Variants in ABCA10 observed in about 807,000 individuals in gnomAD.
The protein encoded by ABCA10 is ATP-binding cassette sub-family A member 10.
In ABCA10, 169 loss-of-function variants were observed where a neutral mutation model predicts 187.5. That is an observed-to-expected ratio of 0.90 (90% CI 0.80 to 1.02). The LOEUF (loss-of-function observed/expected upper bound fraction) is 1.02, where lower values mean the gene tolerates loss of function less well. Among genes scored for constraint, ABCA10 ranks in the 50% least tolerant of loss-of-function variants. ABCA10 has a pLI of 0.00. For missense variants in ABCA10, 1,727 were observed against 1,812.4 expected (o/e 0.95, Z 0.86); for synonymous variants, 574 against 601.8 (o/e 0.95, Z 0.68).
Position 69,152,043 on chromosome 17 carries a change from C to G in ABCA10, c.4397G>C (p.Arg1466Thr). ...KLFPQAAWQERYSSLMAYKLP... is the reference protein window; with the variant it reads ...KLFPQAAWQETYSSLMAYKLP... ...CACTCAAACCGAAAACATCCTTTAC[C>G]TTTCCTGCCAAGCAGCCTGTGGGAA... Residue 1466 changes from arginine to threonine, a missense_variant and splice_region_variant, in exon 36 of 39, where the codon AGA (arginine) becomes ACA (threonine). Coordinates refer to ENST00000690296, the MANE Select transcript of ABCA10 (RefSeq NM_001377321.1). 6.2e-7 allele frequency: 1 copy of G among 1,607,254 alleles called. No individual in the cohort carries two copies. Among genetic ancestry groups the G allele is most frequent in the Non-Finnish European group, 8.5e-7 (1 of 1,178,406 alleles).
intron 5 of ABCA10, among the ~76,000 whole-genome samples, chr17:69,219,981 A>G (rs1211124415): frequency 6.6e-6 from 1 of 152,354 alleles, no homozygotes. Flanking sequence ...TCTGTCATGC[A>G]TAATATACTG....
At chr17:69,205,409 C>T (rs1240599219) in intron 9 of ABCA10, among the ~76,000 whole-genome samples, 1 of 152,220 alleles carries the variant, frequency 6.6e-6, no homozygotes, top group Non-Finnish European at 1.5e-5. Context: ...TATTGAGCAT[C>T]TACTAGGTGC....
At chr17:69,210,464 C>T (rs2074634001) in intron 9 of ABCA10, among the ~76,000 whole-genome samples, 1 of 151,888 alleles carries the variant, frequency 6.6e-6, no homozygotes, top group Non-Finnish European at 1.5e-5. Flanking sequence ...GCTGGGATTA[C>T]AGGCGTGAGC....
intron 26 of ABCA10, 93 bp from the exon 27 acceptor site, chr17:69,164,247 T>G: frequency 9.9e-7 from 1 of 1,006,412 alleles, no homozygotes; most frequent in South Asian, 1.9e-5. Context: ...TGATGTTCTA[T>G]GGGACAACAG....
chr17:69,243,765 G>C (rs1461821090), intron 1 of ABCA10, among the ~76,000 whole-genome samples: 1 of 152,142 alleles, frequency 6.6e-6, no homozygotes, highest in South Asian at 2.1e-4. Context: ...GAGTGCAGTG[G>C]TGCATGCCTG....
chr17:69,194,274 A>G, intron 12 of ABCA10, 111 bp downstream of exon 12: 1 of 912,302 alleles, frequency 1.1e-6, no homozygotes, highest in Non-Finnish European at 1.7e-6. Flanking sequence ...TTCCTGCTCT[A>G]AATTATTCAA....
chr17:69,182,638 A>C (rs2074388991), intron 21 of ABCA10, 37 bp downstream of exon 21: 1 of 1,534,646 alleles, frequency 6.5e-7, no homozygotes, highest in African/African-American at 1.4e-5. Flanking sequence ...AAAACAAAAA[A>C]AAACCAAAAA....
intron 10 of ABCA10, among the ~76,000 whole-genome samples, chr17:69,199,876 A>C (rs1266765355): frequency 6.6e-6 from 1 of 152,252 alleles, no homozygotes; most frequent in African/African-American, 2.4e-5. Context: ...TTTCTATAAG[A>C]ATTAATACCA....
rs375141032 is a variant in ABCA10, at chr17:69,162,838, C to CATATACATATACATATACATATAT, written c.3363+1235_3363+1236insATATATGTATATGTATATGTATAT. Among the ~76,000 whole-genome samples the CATATACATATACATATACATATAT allele has an allele frequency of 6.9e-3, 835 of 120,768 alleles. 8 individuals are homozygous for CATATACATATACATATACATATAT. Among genetic ancestry groups the CATATACATATACATATACATATAT allele is most frequent in the East Asian group, 0.055 (219 of 4,008 alleles). The allele number at this position is 120,768 out of a possible 152,430, so 79.2% of individuals were successfully genotyped here. A position where few individuals can be genotyped will look rare whatever the true frequency, so the allele number is the denominator to read the frequency against. ...ACATATACATATACATATACATATA[C>CATATACATATACATATACATATAT]ATATATATATATATATATGAGACGG... On this transcript the variant is annotated intron_variant, in intron 27 of 38. Coordinates refer to ENST00000690296, the MANE Select transcript of ABCA10 (RefSeq NM_001377321.1).
upstream of ABCA10, among the ~76,000 whole-genome samples, chr17:69,231,458 T>C (rs2074831527): frequency 1.3e-5 from 2 of 152,204 alleles, no homozygotes; most frequent in African/African-American, 4.8e-5. Flanking sequence ...GGTTCTAGTA[T>C]ATCATGTTCC....
At chr17:69,152,333 G>A in intron 35 of ABCA10, 29 bp downstream of exon 35, 1 of 1,604,972 alleles carries the variant, frequency 6.2e-7, no homozygotes, top group Non-Finnish European at 8.5e-7. Flanking sequence ...GAACATGCTA[G>A]TCCCATGCTG....
At chr17:69,216,567 T>A (rs1425779429) in intron 6 of ABCA10, among the ~76,000 whole-genome samples, 1 of 152,234 alleles carries the variant, frequency 6.6e-6, no homozygotes, top group African/African-American at 2.4e-5. Flanking sequence ...GCTATTCATA[T>A]GGTTGTTCTG....
At chr17:69,217,678 T>G (rs2074716430) in intron 6 of ABCA10, among the ~76,000 whole-genome samples, 1 of 152,216 alleles carries the variant, frequency 6.6e-6, no homozygotes, top group African/African-American at 2.4e-5. Context: ...AATTTGTGCC[T>G]GATCAGATAG....
At chr17:69,173,726 T>C (rs769392166) in intron 25 of ABCA10, among the ~76,000 whole-genome samples, 17 of 152,166 alleles carry the variant, frequency 1.1e-4, no homozygotes, top group South Asian at 6.2e-4. Flanking sequence ...CAGAAAGCTA[T>C]AGTAACTGCT....
rs922375139 is a variant in ABCA10 at position 69,207,905 on chromosome 17, A to G, written c.1007-6237T>C. On this transcript the variant is annotated intron_variant, in intron 9 of 38. Coordinates refer to ENST00000690296, the MANE Select transcript of ABCA10 (RefSeq NM_001377321.1). ...ATAACAACGTATTTTGAAAATTGCT[A>G]AGAGAGTAGATTTTAAGTGTTCTCA... is the stretch of plus-strand genomic sequence containing the variant. Among the ~76,000 whole-genome samples, 10 of 152,176 alleles carry G rather than the reference A, an allele frequency of 6.6e-5. 1 individual carries two copies. The highest frequency in any genetic ancestry group is 5.9e-4 in the Admixed American group (9 of 15,276).
In ABCA10 at chr17:69,210,170, CTTTTTTTTTTTTTT is replaced by C. The variant is rs1160992125; in HGVS notation, c.1006+4520_1006+4533del. Among the ~76,000 whole-genome samples, 24 of 70,874 alleles carry C rather than the reference CTTTTTTTTTTTTTT, an allele frequency of 3.4e-4. 2 individuals carry two copies. The South Asian group carries it at 4.9e-3, about 14-fold the overall frequency. 46.5% of individuals were successfully genotyped at this position (70,874 alleles called of 152,430 possible). A position where few individuals can be genotyped will look rare whatever the true frequency, so the allele number is the denominator to read the frequency against. On this transcript the variant is annotated intron_variant, in intron 9 of 38. Coordinates refer to ENST00000690296, the MANE Select transcript of ABCA10 (RefSeq NM_001377321.1). Reference sequence around the variant, plus strand: ...TGGGTAAATTATTTAGTGGTTATTTCTTTTTTTTTTTTTTTTTTTTTTTTTTTTTTGAGACGGAG... The same window carrying C: ...TGGGTAAATTATTTAGTGGTTATTTCTTTTTTTTTTTTTTTTGAGACGGAG...
intron 9 of ABCA10, 119 bp from the exon 10 acceptor site, chr17:69,201,787 T>A: frequency 2.2e-6 from 2 of 918,508 alleles, no homozygotes; most frequent in African/African-American, 1.8e-5. Flanking sequence ...GGCATTTATA[T>A]TTATAATTTT....
chr17:69,202,048 G>T (rs1347889805), intron 9 of ABCA10, among the ~76,000 whole-genome samples: 1 of 152,186 alleles, frequency 6.6e-6, no homozygotes, highest in Non-Finnish European at 1.5e-5. Flanking sequence ...CTCCCAAAGT[G>T]CTGGGATTAC....
intron 6 of ABCA10, among the ~76,000 whole-genome samples, chr17:69,217,648 A>G (rs535536732): frequency 2.0e-5 from 3 of 152,246 alleles, no homozygotes; most frequent in Non-Finnish European, 4.4e-5. Flanking sequence ...AAGCAGTACA[A>G]TCTACTGAGT....
Sources: allele counts gnomAD v4.1 joint callset (sites outside exome capture counted in the v4.1 genomes callset), GRCh38; gene constraint gnomAD v4.1.1; transcripts MANE v1.5; gene names NCBI Gene and HGNC (gene_info 2026-07-23, HGNC 2026-07-21).